The following CTNND2 variants were observed in gnomAD, a reference collection of about 807,000 sequenced individuals.
CTNND2 encodes catenin delta-2.
Under a neutral mutation model 144.4 loss-of-function variants are expected in CTNND2, and 22 were observed. That is an observed-to-expected ratio of 0.15 (90% confidence interval 0.11 to 0.22). The LOEUF (loss-of-function observed/expected upper bound fraction) is 0.22. Ranked by LOEUF, CTNND2 falls within the 10% of genes least tolerant of loss-of-function variation. CTNND2 has a pLI of 1.00. For missense variants in CTNND2, 1,353 were observed against 1,618.8 expected (o/e 0.84, Z 2.82); for synonymous variants, 751 against 695.6 (o/e 1.08, Z -1.25).
At chr5:11,668,367 T>G (rs574669472) in intron 2 of CTNND2, among the ~76,000 whole-genome samples, 75 of 152,394 alleles carry the variant, frequency 4.9e-4, no homozygotes, top group African/African-American at 1.8e-3. Flanking sequence ...TATGCCCATT[T>G]TCACGATATT....
chr5:11,592,252 T>C (rs402338), intron 2 of CTNND2, among the ~76,000 whole-genome samples: 37 of 11,120 alleles, frequency 3.3e-3, no homozygotes, highest in African/African-American at 6.8e-3. Context: ...TCCTGCCTGC[T>C]TGCCTTCCTG....
intron 2 of CTNND2, among the ~76,000 whole-genome samples, chr5:11,607,965 C>G (rs1052512525): frequency 2.3e-4 from 35 of 152,180 alleles, no homozygotes; most frequent in Middle Eastern, 3.2e-3. Context: ...GGAAAATCCT[C>G]TTATAAAATA....
intron 3 of CTNND2, among the ~76,000 whole-genome samples, chr5:11,451,313 C>A (rs1209705163): frequency 6.6e-6 from 1 of 152,054 alleles, no homozygotes; most frequent in Non-Finnish European, 1.5e-5. Flanking sequence ...CCCAACATTA[C>A]CCTATTGTAC....
At chr5:11,449,133 AAC>A (rs1426504053) in intron 3 of CTNND2, among the ~76,000 whole-genome samples, 3 of 152,188 alleles carry the variant, frequency 2.0e-5, no homozygotes, top group African/African-American at 7.2e-5. Flanking sequence ...TTTCAATCAA[AAC>A]ACAATTTATT....
chr5:11,310,956 C>A (rs978462111), intron 9 of CTNND2, among the ~76,000 whole-genome samples: 2 of 149,334 alleles, frequency 1.3e-5, no homozygotes, highest in African/African-American at 4.9e-5. Context: ...TCCCTATGCA[C>A]CCTCAACCCA....
At chr5:11,588,107 A>G (rs946189065) in intron 2 of CTNND2, among the ~76,000 whole-genome samples, 1 of 152,144 alleles carries the variant, frequency 6.6e-6, no homozygotes, top group Non-Finnish European at 1.5e-5. Flanking sequence ...AAAACATGTA[A>G]TTATTGTATT....
chr5:11,829,936 C>G (rs999543310), intron 1 of CTNND2, among the ~76,000 whole-genome samples: 2 of 152,196 alleles, frequency 1.3e-5, no homozygotes, highest in African/African-American at 2.4e-5. Flanking sequence ...CATAGGAACC[C>G]ATTTCTTGTA....
Position 11,461,039 on chromosome 5 carries a change from GA to G in CTNND2, c.288-48971del, listed in dbSNP as rs1010956468. On this transcript the variant is annotated intron_variant, in intron 3 of 21. Transcript: ENST00000304623. ...ATTCTGGCGACAGAGCGAGACTCTG[GA>G]AAAAAAAAAAAATTGCACTCCTCCC... 1.2e-3 allele frequency among the ~76,000 whole-genome samples: 172 copies of G among 142,794 alleles called. 1 individual carries two copies. The South Asian group carries it at 0.013, about 10-fold the overall frequency. 93.7% of individuals were successfully genotyped at this position (142,794 alleles called of 152,430 possible). A position where few individuals can be genotyped will look rare whatever the true frequency, so the allele number is the denominator to read the frequency against.
At chr5:11,118,351 C>G (rs1325406165) in intron 12 of CTNND2, among the ~76,000 whole-genome samples, 1 of 152,218 alleles carries the variant, frequency 6.6e-6, no homozygotes, top group Admixed American at 6.5e-5. Context: ...TGACTTACTA[C>G]AGACAACACA....
chr5:10,985,001 G>A (rs1350639679), intron 20 of CTNND2, among the ~76,000 whole-genome samples: 5 of 152,152 alleles, frequency 3.3e-5, no homozygotes, highest in Non-Finnish European at 2.9e-5. Flanking sequence ...TTGAACCCGG[G>A]AGGTGGAGGT....
chr5:11,467,682 T>G (rs1191754812), intron 3 of CTNND2, among the ~76,000 whole-genome samples: 1 of 152,180 alleles, frequency 6.6e-6, no homozygotes, highest in Non-Finnish European at 1.5e-5. Flanking sequence ...ACATTTTACT[T>G]AGAGAAATTT....
chr5:11,210,264 G>A (rs1402118752), intron 10 of CTNND2, among the ~76,000 whole-genome samples: 1 of 152,128 alleles, frequency 6.6e-6, no homozygotes, highest in Non-Finnish European at 1.5e-5. Flanking sequence ...CAGGCGTGGT[G>A]GTGCACACCT....
At chr5:11,124,246 T>C (rs1338688242) in intron 12 of CTNND2, among the ~76,000 whole-genome samples, 1 of 152,162 alleles carries the variant, frequency 6.6e-6, no homozygotes, top group Non-Finnish European at 1.5e-5. Flanking sequence ...CAAAGAGCCA[T>C]ATTATTAGCA....
At chr5:11,779,206 T>C (rs1441969743) in intron 1 of CTNND2, among the ~76,000 whole-genome samples, 2 of 152,148 alleles carry the variant, frequency 1.3e-5, no homozygotes, top group East Asian at 3.9e-4. Context: ...GTAAAACAAT[T>C]TTGAATTTTT....
intron 1 of CTNND2, among the ~76,000 whole-genome samples, chr5:11,889,485 G>C (rs892166344): frequency 6.6e-6 from 1 of 152,100 alleles, no homozygotes; most frequent in Admixed American, 6.6e-5. Context: ...TAAAATACTC[G>C]TTAGGCCAAA....
chr5:11,249,790 A>C (rs922523854), intron 9 of CTNND2, among the ~76,000 whole-genome samples: 3 of 148,112 alleles, frequency 2.0e-5, no homozygotes, highest in Non-Finnish European at 3.0e-5. Flanking sequence ...AAAAACAAAC[A>C]AAAAAAAAAC....
intron 2 of CTNND2, among the ~76,000 whole-genome samples, chr5:11,695,279 T>C (rs770699756): frequency 6.6e-6 from 1 of 152,208 alleles, no homozygotes; most frequent in African/African-American, 2.4e-5. Flanking sequence ...AAGACAAGTA[T>C]CTAGCAACTG....
At position 11,446,417 on chromosome 5, in the gene CTNND2, C is replaced by A. The variant is rs10057731; in HGVS notation, c.288-34348G>T. ...GCGTGAAGAGTGGTCAGGTGACATT[C>A]TCTGAGCAATGGCATGTGGGTAGGG... On this transcript the variant is annotated intron_variant, in intron 3 of 21. Coordinates refer to ENST00000304623, the MANE Select transcript of CTNND2 (RefSeq NM_001332.4). 2.2e-3 allele frequency among the ~76,000 whole-genome samples: 330 copies of A among 152,292 alleles called. 2 individuals carry two copies. The highest frequency in any genetic ancestry group is 7.6e-3 in the African/African-American group (317 of 41,560).
intron 13 of CTNND2, among the ~76,000 whole-genome samples, chr5:11,116,771 C>G (rs1000147815): frequency 6.6e-6 from 1 of 152,028 alleles, no homozygotes; most frequent in Admixed American, 6.6e-5. Flanking sequence ...TTATTCAAAT[C>G]GCAAATCTGG....
Sources: gnomAD v4.1 joint callset for allele counts (sites outside exome capture counted in the v4.1 genomes callset) on GRCh38, gnomAD v4.1.1 for gene constraint, MANE v1.5 for transcripts, NCBI Gene and HGNC (gene_info 2026-07-23, HGNC 2026-07-21) for gene names.